Variants in GPR39 observed in about 807,000 individuals in gnomAD.
GPR39 encodes zinc sensing receptor.
A neutral mutation model predicts 18.4 loss-of-function variants in GPR39; 23 were observed. The observed-to-expected ratio is 1.25, with a 90% CI of 0.90 to 1.77. The LOEUF is 1.77. Ranked by LOEUF, GPR39 falls within the 40% of genes most tolerant of loss-of-function variation. The pLI, the probability that GPR39 is intolerant of heterozygous loss-of-function variation, is 0.00. For synonymous variants in GPR39, 280 were observed against 257.9 expected, an observed-to-expected ratio of 1.09 and a Z score of -0.82; for missense variants, 647 against 602.4, an observed-to-expected ratio of 1.07 and a Z score of -0.78.
At chr2:132,442,240 C>T (rs1680452953) in intron 1 of GPR39, among the ~76,000 whole-genome samples, 3 of 152,164 alleles carry the variant, frequency 2.0e-5, no homozygotes, top group Admixed American at 1.3e-4. Context: ...GTGAAACAAA[C>T]ATTTCACTCA....
At chr2:132,637,530 C>T (rs189254914) in intron 1 of GPR39, among the ~76,000 whole-genome samples, 62 of 152,308 alleles carry the variant, frequency 4.1e-4, no homozygotes, top group East Asian at 3.3e-3. Flanking sequence ...TTGTGGCCTG[C>T]GCCTTTCTGA....
intron 1 of GPR39, 154 bp from the exon 2 acceptor site, chr2:132,644,947 A>T: frequency 2.5e-6 from 2 of 786,364 alleles, no homozygotes; most frequent in Non-Finnish European, 3.9e-6. Context: ...TGGCAAAAGA[A>T]GCTGTCAAGT....
intron 1 of GPR39, among the ~76,000 whole-genome samples, chr2:132,479,798 CT>C (rs1478991036): frequency 6.7e-6 from 1 of 148,614 alleles, no homozygotes; most frequent in Non-Finnish European, 1.5e-5. Flanking sequence ...TATGGAGATT[CT>C]TCTCAAAATT....
In GPR39 at chr2:132,625,152, C is replaced by T. The variant is rs145785579; in HGVS notation, c.857-19949C>T. Among the ~76,000 whole-genome samples the T allele has an allele frequency of 4.0e-4, 61 of 151,390 alleles. No individual in the cohort carries two copies. In the East Asian group the frequency reaches 0.011, roughly 28 times the overall value. ...CTTTGCTTCTACGTGGCTTTTTCCC[C>T]TCTACCTTTCTTAATTTGGCCATTC... On this transcript the variant is annotated intron_variant, in intron 1 of 1. Transcript: ENST00000329321.
At chr2:132,444,920 G>A (rs1308002689) in intron 1 of GPR39, among the ~76,000 whole-genome samples, 1 of 152,040 alleles carries the variant, frequency 6.6e-6, no homozygotes, top group Non-Finnish European at 1.5e-5. Flanking sequence ...TTGAGTGGGC[G>A]ACATATCCCA....
At chr2:132,476,985 G>A (rs755237538) in intron 1 of GPR39, among the ~76,000 whole-genome samples, 3 of 152,108 alleles carry the variant, frequency 2.0e-5, no homozygotes, top group Non-Finnish European at 4.4e-5. Context: ...GAGATTCAAG[G>A]CCCCACAGTA....
chr2:132,452,879 A>G (rs1435558208), intron 1 of GPR39, among the ~76,000 whole-genome samples: 1 of 151,802 alleles, frequency 6.6e-6, no homozygotes, highest in African/African-American at 2.4e-5. Flanking sequence ...AGTTCTATTC[A>G]TTGATGGATA....
At chr2:132,539,274 C>T (rs772873297) in intron 1 of GPR39, among the ~76,000 whole-genome samples, 25 of 152,252 alleles carry the variant, frequency 1.6e-4, no homozygotes, top group African/African-American at 2.4e-4. Flanking sequence ...CAGTCTCTCA[C>T]GGCTTCCCTT....
At chr2:132,430,011 G>A (rs571479034) in intron 1 of GPR39, among the ~76,000 whole-genome samples, 1 of 152,364 alleles carries the variant, frequency 6.6e-6, no homozygotes, top group African/African-American at 2.4e-5. Context: ...GGCCATGGGA[G>A]CCATGGAAAG....
intron 1 of GPR39, among the ~76,000 whole-genome samples, chr2:132,639,910 A>C (rs1042275219): frequency 3.3e-5 from 5 of 151,870 alleles, no homozygotes; most frequent in Non-Finnish European, 4.4e-5. Context: ...CTGGAAAAAA[A>C]CCCTAAAATT....
At chr2:132,639,693 A>C (rs1681824809) in intron 1 of GPR39, among the ~76,000 whole-genome samples, 1 of 152,120 alleles carries the variant, frequency 6.6e-6, no homozygotes, top group Non-Finnish European at 1.5e-5. Context: ...GACCTGAAGT[A>C]ATATTTTGTT....
intron 1 of GPR39, among the ~76,000 whole-genome samples, chr2:132,467,676 A>G (rs1282226618): frequency 6.6e-6 from 1 of 152,246 alleles, no homozygotes; most frequent in Non-Finnish European, 1.5e-5. Flanking sequence ...GTTACTGCTC[A>G]TGAAACTTTA....
intron 1 of GPR39, among the ~76,000 whole-genome samples, chr2:132,601,132 G>GA (rs1681035912): frequency 6.6e-6 from 1 of 152,072 alleles, no homozygotes; most frequent in Admixed American, 6.5e-5. Context: ...ATGAGGCCAG[G>GA]ATTTACCCTG....
intron 1 of GPR39, among the ~76,000 whole-genome samples, chr2:132,529,048 G>A (rs927074047): frequency 6.6e-6 from 1 of 152,146 alleles, no homozygotes; most frequent in African/African-American, 2.4e-5. Context: ...CGCACTGTGC[G>A]TGAGCTGAAG....
Position 132,645,024 on chromosome 2 carries a change from T to C in GPR39, c.857-77T>C, listed in dbSNP as rs1681976558. 8 of 1,487,906 alleles carry C rather than the reference T, an allele frequency of 5.4e-6. No homozygotes were observed. The South Asian group carries it at 1.1e-4, about 20-fold the overall frequency. The allele number at this position is 1,487,906 out of a possible 1,614,324, so 92.2% of individuals were successfully genotyped here. ...CAGAACAGAGGGGCTAAATATTTTA[T>C]GGTTTTATTCATTTACTGTGTTCTC... On this transcript the variant is annotated intron_variant, in intron 1 of 1. Coordinates refer to ENST00000329321, the MANE Select transcript of GPR39 (RefSeq NM_001508.3).
At chr2:132,425,141 CCACTTA>C (rs1264012898) in intron 1 of GPR39, among the ~76,000 whole-genome samples, 1 of 152,216 alleles carries the variant, frequency 6.6e-6, no homozygotes, top group Non-Finnish European at 1.5e-5. Context: ...AAACTTCCTA[CCACTTA>C]CACTAGCATT....
At chr2:132,492,410 CATAT>C in intron 1 of GPR39, among the ~76,000 whole-genome samples, 1 of 134,500 alleles carries the variant, frequency 7.4e-6, no homozygotes, top group East Asian at 2.2e-4. Context: ...ATATACATAC[CATAT>C]ATATACCATA....
intron 1 of GPR39, among the ~76,000 whole-genome samples, chr2:132,618,638 T>C (rs1681380336): frequency 6.6e-6 from 1 of 152,068 alleles, no homozygotes; most frequent in African/African-American, 2.4e-5. Flanking sequence ...TCGGTGGTGC[T>C]TTGGGAGGCC....
chr2:132,527,123 C>G (rs1035041790), intron 1 of GPR39, among the ~76,000 whole-genome samples: 2 of 151,982 alleles, frequency 1.3e-5, no homozygotes, highest in African/African-American at 4.8e-5. Flanking sequence ...ACCGTCAGGC[C>G]CTGGTGAGTC....
Sources: allele counts gnomAD v4.1 joint callset (sites outside exome capture counted in the v4.1 genomes callset), GRCh38; gene constraint gnomAD v4.1.1; transcripts MANE v1.5; gene names NCBI Gene and HGNC (gene_info 2026-07-23, HGNC 2026-07-21).